MYO18B: variants seen among roughly 807,000 people sequenced by gnomAD.
MYO18B encodes the protein unconventional myosin-XVIIIb.
MYO18B carries 204 observed loss-of-function variants against 273.0 expected under a neutral mutation model. The ratio of observed to expected loss-of-function variants is 0.75; its 90% confidence interval spans 0.67 to 0.84. MYO18B has a LOEUF of 0.84. MYO18B is among the 40% of genes least tolerant of loss of function. The probability of loss-of-function intolerance (pLI) is 0.00; values close to 1 mark genes in which losing one functional copy is unlikely to be tolerated. For missense variants in MYO18B, 3,212 were observed against 3,287.6 expected, an observed-to-expected ratio of 0.98 and a Z score of 0.56; for synonymous variants, 1,330 against 1,305.7, an observed-to-expected ratio of 1.02 and a Z score of -0.40.
At chr22:25,787,742 G>T (rs1187867589) in intron 11 of MYO18B, among the ~76,000 whole-genome samples, 3 of 151,984 alleles carry the variant, frequency 2.0e-5, no homozygotes, top group Non-Finnish European at 4.4e-5. Context: ...AATACTAGGG[G>T]GGCAGCTTCT....
chr22:25,981,611 G>C (rs2093149349), intron 39 of MYO18B, among the ~76,000 whole-genome samples: 1 of 152,200 alleles, frequency 6.6e-6, no homozygotes, highest in Admixed American at 6.5e-5. Context: ...CTGGTGTGAT[G>C]GTACATGCCT....
intron 34 of MYO18B, among the ~76,000 whole-genome samples, chr22:25,927,875 G>A (rs530172065): frequency 2.0e-5 from 3 of 152,244 alleles, no homozygotes; most frequent in Non-Finnish European, 4.4e-5. Flanking sequence ...CAGATTCCCC[G>A]ATACTCTTTA....
intron 11 of MYO18B, among the ~76,000 whole-genome samples, chr22:25,796,604 A>C (rs1428731505): frequency 6.6e-6 from 1 of 151,894 alleles, no homozygotes; most frequent in Non-Finnish European, 1.5e-5. Flanking sequence ...TAAAAAAAAA[A>C]AAAAAAAAAA....
In MYO18B at chr22:25,847,516, G is replaced by A. The variant is rs756761660; in HGVS notation, c.3639G>A (p.Gly1213=). 1.5e-5 allele frequency: 23 copies of A among 1,578,022 alleles called. No individual in the cohort carries two copies. In the East Asian group the frequency reaches 4.4e-4, roughly 30 times the overall value. The change falls in exon 20 of 44, where the codon GGG becomes GGA. Residue 1213 remains glycine, a synonymous_variant. Coordinates refer to ENST00000335473, the MANE Select transcript of MYO18B (RefSeq NM_032608.7). ...VPNPVVESRS[G]QESPPPPQPG... Reference sequence around the variant, plus strand: ...ACCCTGTGGTGGAAAGCAGGAGTGGGCAGGAATCTCCACCACCACCGCAGC... The same window carrying A: ...ACCCTGTGGTGGAAAGCAGGAGTGGACAGGAATCTCCACCACCACCGCAGC...
chr22:25,832,776 CTT>C lies in MYO18B; in HGVS notation c.2980-138_2980-137del, dbSNP rs527920094. On this transcript the variant is annotated intron_variant, in intron 15 of 43. Transcript: ENST00000335473. ...AAATGGTAAATTTTCTGCTATGTAT[CTT>C]TTGCCAAAATTTAAAAAAACGATTT... is the stretch of plus-strand genomic sequence containing the variant. 21 of 625,470 alleles carry C rather than the reference CTT, an allele frequency of 3.4e-5. No individual in the cohort carries two copies. In the South Asian group the frequency reaches 4.2e-4, roughly 13 times the overall value. The allele number at this position is 625,470 out of a possible 1,614,324, so 38.7% of individuals were successfully genotyped here. A position where few individuals can be genotyped will look rare whatever the true frequency, so the allele number is the denominator to read the frequency against.
chr22:25,935,828 ATCTGGGT>A (rs1220071541), intron 34 of MYO18B, among the ~76,000 whole-genome samples: 1 of 152,144 alleles, frequency 6.6e-6, no homozygotes, highest in Non-Finnish European at 1.5e-5. Context: ...CACTGTGGGT[ATCTGGGT>A]TAGAGACCTA....
At chr22:25,878,984 C>G (rs2091270184) in intron 25 of MYO18B, among the ~76,000 whole-genome samples, 1 of 152,190 alleles carries the variant, frequency 6.6e-6, no homozygotes, top group Admixed American at 6.5e-5. Context: ...AGTAAACATT[C>G]AAATGGGAGC....
intron 3 of MYO18B, among the ~76,000 whole-genome samples, chr22:25,765,398 G>T (rs902127238): frequency 6.6e-6 from 1 of 152,168 alleles, no homozygotes; most frequent in African/African-American, 2.4e-5. Context: ...GAAGCCATTA[G>T]AATCCATCCC....
chr22:26,020,010 A>G (rs1158215221), intron 42 of MYO18B, among the ~76,000 whole-genome samples: 2 of 152,116 alleles, frequency 1.3e-5, no homozygotes, highest in Non-Finnish European at 2.9e-5. Context: ...CCTTCTGCCC[A>G]GTAGGTGTGT....
At chr22:25,988,485 C>T (rs1569267962) in intron 39 of MYO18B, among the ~76,000 whole-genome samples, 1 of 152,150 alleles carries the variant, frequency 6.6e-6, no homozygotes, top group Non-Finnish European at 1.5e-5. Context: ...CCTTGGTCCA[C>T]ATACTCTGGC....
rs747429674 is a variant in MYO18B at position 25,950,482 on chromosome 22, TAGTC to T, written c.5832+35_5832+38del. On this transcript the variant is annotated intron_variant, in intron 37 of 43. Transcript: ENST00000335473. The stretch of plus-strand genomic sequence containing the variant: ...GCTCAGAGCCATCCTATAGTTGTAT[TAGTC>T]AGGGTTTTCTTAGAGGGACAGAACT... The T allele has an allele frequency of 2.5e-5, 38 of 1,543,170 alleles. No individual in the cohort carries two copies. The South Asian group carries it at 4.0e-4, about 16-fold the overall frequency.
chr22:25,751,590 A>G (rs6004755), intron 1 of MYO18B, among the ~76,000 whole-genome samples: 47,806 of 152,044 alleles, frequency 0.31, 7,889 homozygotes, highest in South Asian at 0.42. Flanking sequence ...GGTAAGTCTC[A>G]CCTTGGCTTT....
At chr22:25,779,908 G>C in intron 8 of MYO18B, 148 bp from the exon 9 acceptor site, 1 of 940,514 alleles carries the variant, frequency 1.1e-6, no homozygotes, top group Non-Finnish European at 1.5e-6. Flanking sequence ...GGAGTGGGTG[G>C]CAGGAAGCTC....
intron 34 of MYO18B, among the ~76,000 whole-genome samples, chr22:25,944,934 G>A (rs2092687614): frequency 6.6e-6 from 1 of 152,074 alleles, no homozygotes; most frequent in Admixed American, 6.5e-5. Context: ...ATGAATATGG[G>A]TTTCTCCAGT....
At chr22:25,899,097 T>C (rs935253601) in intron 29 of MYO18B, 1 of 152,540 alleles carries the variant, frequency 6.6e-6, no homozygotes, top group Non-Finnish European at 1.5e-5. Flanking sequence ...CTGGGCCTTG[T>C]GCACCAGCAA....
chr22:25,865,674 A>G (rs1328055995), intron 21 of MYO18B, among the ~76,000 whole-genome samples: 1 of 152,200 alleles, frequency 6.6e-6, no homozygotes, highest in African/African-American at 2.4e-5. Context: ...CCAAGGCCAC[A>G]CAGTTTATGG....
intron 6 of MYO18B, among the ~76,000 whole-genome samples, chr22:25,772,069 C>T (rs571232318): frequency 3.6e-4 from 55 of 152,340 alleles, no homozygotes; most frequent in African/African-American, 1.3e-3. Flanking sequence ...TTGGGAGCGT[C>T]TCCCCTCATG....
the MYO18B span, among the ~76,000 whole-genome samples, chr22:26,036,630 T>A: frequency 1.3e-5 from 2 of 152,092 alleles, no homozygotes. Flanking sequence ...CCATCTCCCA[T>A]CTCCTAGAGT....
the MYO18B span, among the ~76,000 whole-genome samples, chr22:26,051,018 G>T: frequency 6.6e-6 from 1 of 152,272 alleles, no homozygotes; most frequent in Middle Eastern, 3.4e-3. Flanking sequence ...GGGAGATAAA[G>T]ATGCAAGGTT....
Sources: allele counts gnomAD v4.1 joint callset (sites outside exome capture counted in the v4.1 genomes callset), GRCh38; gene constraint gnomAD v4.1.1; transcripts MANE v1.5; gene names NCBI Gene and HGNC (gene_info 2026-07-23, HGNC 2026-07-21).